WIPF2: variants seen among roughly 807,000 people sequenced by gnomAD.
The protein encoded by WIPF2 is WAS/WASL interacting protein family member 2.
WIPF2 carries 23 observed loss-of-function variants against 38.8 expected under a neutral mutation model. The observed-to-expected ratio is 0.59, with a 90% CI of 0.43 to 0.84. The LOEUF (loss-of-function observed/expected upper bound fraction) is 0.84. Among genes scored for constraint, WIPF2 ranks in the 40% least tolerant of loss-of-function variants. WIPF2 has a pLI of 0.00. For missense variants in WIPF2, 574 were observed against 580.5 expected, an observed-to-expected ratio of 0.99 and a Z score of 0.11; for synonymous variants, 210 against 223.2, an observed-to-expected ratio of 0.94 and a Z score of 0.53.
Position 40,278,374 on chromosome 17 carries a change from A to AC in WIPF2, c.*151dup. The AC allele has an allele frequency of 1.2e-6, 1 of 851,148 alleles. No individual in the cohort carries two copies. Among genetic ancestry groups the AC allele is most frequent in the East Asian group, 2.7e-5 (1 of 37,072 alleles). The allele number at this position is 851,148 out of a possible 1,614,324, so 52.7% of individuals were successfully genotyped here. ...TAGACTCCAAATGTCCTCCCAGCTC[A>AC]CCTCCATCTATGCATCTCATCTCTG... is the stretch of plus-strand genomic sequence containing the variant. On this transcript the variant is annotated 3_prime_UTR_variant, in exon 8 of 8. Coordinates refer to ENST00000323571, the MANE Select transcript of WIPF2 (RefSeq NM_133264.5).
At chr17:40,267,040 G>A (rs1471159098) in intron 5 of WIPF2, among the ~76,000 whole-genome samples, 1 of 152,108 alleles carries the variant, frequency 6.6e-6, no homozygotes, top group Non-Finnish European at 1.5e-5. Context: ...AAGGAGAGTT[G>A]AGGAGAGAGA....
chr17:40,266,680 T>C (rs1187603991), intron 5 of WIPF2, among the ~76,000 whole-genome samples: 1 of 152,130 alleles, frequency 6.6e-6, no homozygotes, highest in African/African-American at 2.4e-5. Context: ...AGTTGTTTTT[T>C]TCCCATCCCA....
chr17:40,238,345 C>T (rs973426256), intron 1 of WIPF2, among the ~76,000 whole-genome samples: 1 of 151,830 alleles, frequency 6.6e-6, no homozygotes, highest in African/African-American at 2.4e-5. Context: ...GCTCTGTTGC[C>T]CAGGCTGGAG....
In WIPF2 at chr17:40,264,939, T is replaced by A; in HGVS notation, c.763T>A (p.Tyr255Asn). Residue 255 changes from tyrosine to asparagine, a missense_variant, in exon 5 of 8, where the codon TAC becomes AAC. Tyr to Asn is a moderately radical substitution (Grantham distance 143). Coordinates refer to ENST00000323571, the MANE Select transcript of WIPF2 (RefSeq NM_133264.5). Reference protein sequence around the residue: ...GQSLAPPPPPYRQPPGVPNGP... With the variant: ...GQSLAPPPPPNRQPPGVPNGP... ...GTCTCTGGCTCCTCCTCCTCCGCCT[T>A]ACCGCCAGCCTCCTGGGGTCCCCAA... 1.2e-6 allele frequency: 2 copies of A among 1,614,160 alleles called. No homozygotes were observed. The highest frequency in any genetic ancestry group is 2.2e-5 in the South Asian group (2 of 91,086).
At chr17:40,237,421 AG>A (rs1223090977) in intron 1 of WIPF2, among the ~76,000 whole-genome samples, 1 of 151,688 alleles carries the variant, frequency 6.6e-6, no homozygotes, top group African/African-American at 2.4e-5. Flanking sequence ...TTGTATTTTT[AG>A]TAGAGACAGA....
At chr17:40,257,787 A>G (rs1567719239) in intron 2 of WIPF2, among the ~76,000 whole-genome samples, 1 of 151,552 alleles carries the variant, frequency 6.6e-6, no homozygotes, top group Admixed American at 6.6e-5. Flanking sequence ...ACCTGTATGC[A>G]TTCTATTTTT....
At chr17:40,232,711 C>T (rs1322061403) in intron 1 of WIPF2, among the ~76,000 whole-genome samples, 1 of 148,568 alleles carries the variant, frequency 6.7e-6, no homozygotes, top group Non-Finnish European at 1.5e-5. Flanking sequence ...GTGATCTCGG[C>T]TCACTGCAAC....
intron 1 of WIPF2, among the ~76,000 whole-genome samples, chr17:40,225,763 C>T (rs117304233): frequency 1.3e-5 from 2 of 152,170 alleles, no homozygotes; most frequent in East Asian, 3.9e-4. Flanking sequence ...CTCAGGTGTT[C>T]TTCCCACTTC....
chr17:40,250,914 C>CTTTTTTTTTTT (rs1020649049), intron 1 of WIPF2, among the ~76,000 whole-genome samples: 2 of 90,342 alleles, frequency 2.2e-5, no homozygotes, highest in Non-Finnish European at 4.4e-5. Context: ...CTATTAGATT[C>CTTTTTTTTTTT]TTTTTTTTTT....
At chr17:40,220,206 G>A (rs1311543475) in intron 1 of WIPF2, among the ~76,000 whole-genome samples, 1 of 151,684 alleles carries the variant, frequency 6.6e-6, no homozygotes, top group Non-Finnish European at 1.5e-5. Context: ...TGAACTCCTG[G>A]GCTCAAGCGA....
rs913696076 is a variant in WIPF2, at chr17:40,281,119, G to A, written c.*2894G>A. ...GCTCTTTTTATCTGCTTGTGGGAAT[G>A]TCGTCTCTTTCGTGGAAGATTGGGT... is the stretch of plus-strand genomic sequence containing the variant. On this transcript the variant is annotated 3_prime_UTR_variant, in exon 8 of 8. Coordinates refer to ENST00000323571, the MANE Select transcript of WIPF2 (RefSeq NM_133264.5). 1.3e-5 allele frequency: 2 copies of A among 152,236 alleles called. No individual in the cohort carries two copies. The highest frequency in any genetic ancestry group is 4.8e-5 in the African/African-American group (2 of 41,424). 9.4% of individuals were successfully genotyped at this position (152,236 alleles called of 1,614,324 possible). A position where few individuals can be genotyped will look rare whatever the true frequency, so the allele number is the denominator to read the frequency against.
chr17:40,255,884 C>T (rs2031709256), intron 1 of WIPF2, among the ~76,000 whole-genome samples: 1 of 151,858 alleles, frequency 6.6e-6, no homozygotes, highest in Non-Finnish European at 1.5e-5. Context: ...CCTCGGCCTC[C>T]CAAAGTGCTG....
chr17:40,261,691 G>GT (rs1169332747), intron 3 of WIPF2, among the ~76,000 whole-genome samples: 1,234 of 118,110 alleles, frequency 0.01, 22 homozygotes, highest in East Asian at 0.056. Context: ...GGTTTTTTTT[G>GT]TTTTTTTTTT....
At position 40,219,425 on chromosome 17, in the gene WIPF2, G is replaced by A. The variant is rs1033940885; in HGVS notation, c.-137G>A. ...ACGGCGAGAAAGAGCTTGCCGGGGG[G>A]CGAGCAGGACAGGACGAAGCCGGAG... is the stretch of plus-strand genomic sequence containing the variant. On this transcript the variant is annotated 5_prime_UTR_variant, in exon 1 of 8. Transcript: ENST00000323571. 7.8e-6 allele frequency: 3 copies of A among 387,044 alleles called. No homozygotes were observed. The highest frequency in any genetic ancestry group is 8.5e-5 in the Admixed American group (2 of 23,668). The allele number at this position is 387,044 out of a possible 1,614,324, so 24.0% of individuals were successfully genotyped here.
At chr17:40,252,829 T>C (rs62065255) in intron 1 of WIPF2, among the ~76,000 whole-genome samples, 26,281 of 150,638 alleles carry the variant, frequency 0.17, 2,921 homozygotes, top group Non-Finnish European at 0.25. Context: ...AATGGCGCGA[T>C]CTCGGCTCAC....
intron 6 of WIPF2, among the ~76,000 whole-genome samples, chr17:40,275,313 T>C (rs1019263671): frequency 6.6e-6 from 1 of 151,966 alleles, no homozygotes; most frequent in African/African-American, 2.4e-5. Flanking sequence ...CTAGCAGTGT[T>C]ATTTTGAGGA....
chr17:40,252,147 T>C (rs1458839486), intron 1 of WIPF2, among the ~76,000 whole-genome samples: 3 of 152,178 alleles, frequency 2.0e-5, no homozygotes, highest in Admixed American at 6.5e-5. Flanking sequence ...AACTGTGTAA[T>C]ATATTGCTTA....
chr17:40,251,413 T>C (rs899749564), intron 1 of WIPF2, among the ~76,000 whole-genome samples: 2 of 152,046 alleles, frequency 1.3e-5, no homozygotes, highest in African/African-American at 4.8e-5. Flanking sequence ...TAAGTCTCAG[T>C]CCTAATTTGA....
At chr17:40,230,060 T>C (rs1277998410) in intron 1 of WIPF2, among the ~76,000 whole-genome samples, 1 of 152,080 alleles carries the variant, frequency 6.6e-6, no homozygotes, top group African/African-American at 2.4e-5. Flanking sequence ...GTAAATAGGC[T>C]GGCATGGTGG....
Sources: allele counts gnomAD v4.1 joint callset (sites outside exome capture counted in the v4.1 genomes callset), GRCh38; gene constraint gnomAD v4.1.1; transcripts MANE v1.5; gene names NCBI Gene and HGNC (gene_info 2026-07-23, HGNC 2026-07-21).